Variants in ITGA5 observed in about 807,000 individuals in gnomAD.
ITGA5 encodes integrin subunit alpha 5, also known as integrin alpha-5.
Under a neutral mutation model 146.3 loss-of-function variants are expected in ITGA5, and 55 were observed. The ratio of observed to expected loss-of-function variants is 0.38; its 90% CI spans 0.30 to 0.47. ITGA5 has a LOEUF of 0.47. Among genes scored for constraint, ITGA5 ranks in the 20% least tolerant of loss-of-function variants. The pLI is 0.99. For missense variants in ITGA5, 1,131 were observed against 1,329.0 expected, an observed-to-expected ratio of 0.85 and a Z score of 2.32; for synonymous variants, 500 against 531.8, an observed-to-expected ratio of 0.94 and a Z score of 0.82.
intron 2 of ITGA5, among the ~76,000 whole-genome samples, chr12:54,410,081 T>C (rs909921068): frequency 1.3e-5 from 2 of 151,752 alleles, no homozygotes; most frequent in African/African-American, 4.8e-5. Flanking sequence ...GATCTCGAAC[T>C]CCTGACCTCA....
intron 19 of ITGA5, 138 bp downstream of exon 19, chr12:54,402,845 C>T: frequency 1.5e-6 from 1 of 664,328 alleles, no homozygotes; most frequent in East Asian, 2.6e-5. Flanking sequence ...GCTACTATTC[C>T]CACTATACAG....
chr12:54,405,197 G>A lies in ITGA5; in HGVS notation c.1194C>T (p.Pro398=). The part of the protein sequence containing the change: ...EFGRFGSSLT[P]LGDLDQDGYN... ...AGCCATCCTGGTCCAGGTCCCCCAGGGGGGTCAAGGAGCTGCCAAATCGGC... is the reference window on the plus strand; with the variant it reads ...AGCCATCCTGGTCCAGGTCCCCCAGAGGGGTCAAGGAGCTGCCAAATCGGC... Residue 398 remains proline, a synonymous_variant, in exon 12 of 30, where the codon CCC becomes CCT. Transcript: ENST00000293379. The A allele has an allele frequency of 6.2e-7, 1 of 1,610,002 alleles. No individual in the cohort carries two copies. Among genetic ancestry groups the A allele is most frequent in the Non-Finnish European group, 8.5e-7 (1 of 1,177,088 alleles).
Position 54,401,409 on chromosome 12 carries a change from C to A in ITGA5, c.2457G>T (p.Glu819Asp), listed in dbSNP as rs753032812. 1 of 1,614,076 alleles carries A rather than the reference C, an allele frequency of 6.2e-7. No homozygotes were observed. Among genetic ancestry groups the A allele is most frequent in the Non-Finnish European group, 8.5e-7 (1 of 1,179,962 alleles). ...DWHPRDQPQK[E>D]EDLGPAVHHV... Reference sequence around the variant, plus strand: ...GGTGGACAGCAGGTCCCAGGTCCTCCTCCTTCTGAGGCTGGTCTCGGGGAT... The same window carrying A: ...GGTGGACAGCAGGTCCCAGGTCCTCATCCTTCTGAGGCTGGTCTCGGGGAT... Residue 819 changes from glutamate to aspartate, a missense_variant, in exon 24 of 30, where the codon GAG (glutamate) becomes GAT (aspartate). Around this residue, in one of 3 missense-constraint regions of ITGA5, gnomAD observed 889 missense variants for 1,021.5 expected, o/e 0.87. Coordinates refer to ENST00000293379, the MANE Select transcript of ITGA5 (RefSeq NM_002205.5). This position sits in a 1 kb window ranked among gnomAD's most constrained non-coding sequence, Gnocchi z 5.0.
intron 8 of ITGA5, 28 bp from the exon 9 acceptor site, chr12:54,407,720 T>G: frequency 6.8e-6 from 11 of 1,611,888 alleles, no homozygotes; most frequent in Non-Finnish European, 9.3e-6. Context: ...AGTTGTGACC[T>G]AAGGGTGGGG....
intron 26 of ITGA5, 27 bp from the exon 27 acceptor site, chr12:54,399,785 T>C (rs1407189933): frequency 1.2e-6 from 2 of 1,610,032 alleles, no homozygotes. Context: ...TTGAACCTGG[T>C]GTTCTGCCCT....
intron 1 of ITGA5, among the ~76,000 whole-genome samples, chr12:54,414,068 T>G (rs1307076078): frequency 6.6e-6 from 1 of 152,208 alleles, no homozygotes; most frequent in East Asian, 1.9e-4. Context: ...ATTCCGGCTG[T>G]GCGATGGTTC....
chr12:54,402,419 G>A (rs1393693433), intron 19 of ITGA5, 89 bp from the exon 20 acceptor site: 29 of 1,260,794 alleles, frequency 2.3e-5, no homozygotes, highest in South Asian at 6.9e-5. Context: ...ATACGAGGCC[G>A]GGTGTGGTGG....
At chr12:54,398,096 C>T (rs1054987890) in intron 28 of ITGA5, among the ~76,000 whole-genome samples, 3 of 152,158 alleles carry the variant, frequency 2.0e-5, no homozygotes, top group Non-Finnish European at 2.9e-5. Flanking sequence ...CAGGATCTCA[C>T]TATGTTGCCC....
At chr12:54,408,069 AG>A (rs2120530550) in intron 7 of ITGA5, 40 bp downstream of exon 7, 2 of 1,612,170 alleles carry the variant, frequency 1.2e-6, no homozygotes. Context: ...GGAGCACTTG[AG>A]GTTCTCCCTC....
chr12:54,401,764 C>T lies in ITGA5; in HGVS notation c.2306+12G>A, dbSNP rs1430314111. 3.7e-6 allele frequency: 6 copies of T among 1,613,734 alleles called. No individual in the cohort carries two copies. Among genetic ancestry groups the T allele is most frequent in the Non-Finnish European group, 5.1e-6 (6 of 1,179,714 alleles). ...CCAGCTCAGCCCCAGCCTAGACACA[C>T]TCACTCCCTACCTGAGGATCTGGAA... is the stretch of plus-strand genomic sequence containing the variant. On this transcript the variant is annotated intron_variant, in intron 22 of 29. Coordinates refer to ENST00000293379, the MANE Select transcript of ITGA5 (RefSeq NM_002205.5). The surrounding 1 kb of genome is among the most constrained non-coding windows in gnomAD (Gnocchi z 5.0).
intron 1 of ITGA5, chr12:54,412,283 C>A (rs78090427): frequency 0.021 from 4,539 of 221,284 alleles, 203 homozygotes; most frequent in African/African-American, 0.097. Context: ...GAGCCTGTAC[C>A]CCTGGCTTCT....
In ITGA5 at chr12:54,411,968, T is replaced by TG; in HGVS notation, c.219-5dup. 1.3e-6 allele frequency: 2 copies of TG among 1,579,122 alleles called. No individual in the cohort carries two copies. Among genetic ancestry groups the TG allele is most frequent in the Non-Finnish European group, 8.6e-7 (1 of 1,163,404 alleles). On this transcript the variant is annotated splice_region_variant and splice_polypyrimidine_tract_variant and intron_variant, in intron 1 of 29. Transcript: ENST00000293379. ...TGCTCCCACCAGCACACTGACCCTG[T>TG]GGGGGGGAAAAGCGAGGCAGTTGAG...
At chr12:54,398,984 C>G (rs1414737229) in intron 27 of ITGA5, among the ~76,000 whole-genome samples, 2 of 152,072 alleles carry the variant, frequency 1.3e-5, no homozygotes, top group Non-Finnish European at 2.9e-5. Context: ...AGACTACAGG[C>G]ATGTGCCATC....
intron 19 of ITGA5, 53 bp from the exon 20 acceptor site, chr12:54,402,383 G>A (rs1284637665): frequency 2.6e-5 from 40 of 1,521,850 alleles, no homozygotes; most frequent in African/African-American, 4.1e-5. Context: ...CTCAAACCAG[G>A]ACAAAGGACC....
chr12:54,409,306 C>T lies in ITGA5; in HGVS notation c.509G>A (p.Ser170Asn). 6.2e-7 allele frequency: 1 copy of T among 1,614,010 alleles called. No homozygotes were observed. The highest frequency in any genetic ancestry group is 1.3e-5 in the African/African-American group (1 of 75,050). Residue 170 changes from serine to asparagine, a missense_variant, in exon 4 of 30, where the codon AGC (serine) becomes AAC (asparagine). Physicochemically the swap from Ser to Asn is conservative, Grantham distance 46. This residue lies in a region of ITGA5 where 67 missense variants were observed against 128.2 expected (regional missense o/e 0.52). Transcript: ENST00000293379. This position sits in a 1 kb window ranked among gnomAD's most constrained non-coding sequence, Gnocchi z 4.7. Reference protein sequence around the residue: ...YSWRTEKEPLSDPVGTCYLST... With the variant: ...YSWRTEKEPLNDPVGTCYLST... ...GAGGTAGCAGGTGCCCACGGGGTCG[C>T]TCAGTGGCTCCTTCTCTGTGCGCCA... is the stretch of plus-strand genomic sequence containing the variant.
At position 54,403,660 on chromosome 12, in the gene ITGA5, G is replaced by A; in HGVS notation, c.1741C>T (p.Arg581Ter). Residue 581 changes from arginine to a stop codon, truncating the protein, a stop_gained, in exon 17 of 30, where the codon CGA becomes TGA. Transcript: ENST00000293379. LOFTEE classifies it high-confidence loss of function. The surrounding 1 kb of genome is among the most constrained non-coding windows in gnomAD (Gnocchi z 4.9). ...TQTLLIQNGA[R>*]EDCREMKIYL... ...ATCTTCATCTCTCTGCAATCCTCTC[G>A]AGCCCCATTCTGGATGAGCAGGGTC... 6.2e-7 allele frequency: 1 copy of A among 1,614,050 alleles called. No individual in the cohort carries two copies. Among genetic ancestry groups the A allele is most frequent in the Non-Finnish European group, 8.5e-7 (1 of 1,180,032 alleles).
At position 54,398,681 on chromosome 12, in the gene ITGA5, A is replaced by G. The variant is rs751241594; in HGVS notation, c.2859T>C (p.Phe953=). 2.5e-6 allele frequency: 4 copies of G among 1,603,808 alleles called. No homozygotes were observed. The highest frequency in any genetic ancestry group is 3.4e-5 in the Admixed American group (2 of 58,124). Reference sequence around the variant, plus strand: ...TGTACACAGCCTCACACTGCAGGCTAAATGGCTGGTGCTCCCGCTGTGGGT... The same window carrying G: ...TGTACACAGCCTCACACTGCAGGCTGAATGGCTGGTGCTCCCGCTGTGGGT... ...KTFLQREHQP[F]SLQCEAVYKA... is the part of the protein sequence containing the mutation. Residue 953 remains phenylalanine (F), a synonymous_variant, in exon 28 of 30, where the codon TTT becomes TTC. Coordinates refer to ENST00000293379, the MANE Select transcript of ITGA5 (RefSeq NM_002205.5).
chr12:54,405,811 C>T (rs1051743867), intron 10 of ITGA5, 59 bp downstream of exon 10: 6 of 1,601,750 alleles, frequency 3.7e-6, no homozygotes, highest in Non-Finnish European at 5.1e-6. Flanking sequence ...ATTATTAGGT[C>T]AGGGCTGGGG....
chr12:54,412,080 C>T, intron 1 of ITGA5, 116 bp from the exon 2 acceptor site: 2 of 750,996 alleles, frequency 2.7e-6, no homozygotes, highest in Non-Finnish European at 4.0e-6. Flanking sequence ...AGTAGATGCC[C>T]CCTGCGTTGT....
Sources: allele counts gnomAD v4.1 joint callset (sites outside exome capture counted in the v4.1 genomes callset), GRCh38; gene constraint gnomAD v4.1.1; regional missense constraint gnomAD v4.1.1; non-coding constraint Gnocchi (gnomAD v3.1); transcripts MANE v1.5; gene names NCBI Gene and HGNC (gene_info 2026-07-23, HGNC 2026-07-21).